Variants in ARHGEF3 observed in about 807,000 individuals in gnomAD.
ARHGEF3 encodes Rho guanine nucleotide exchange factor 3, also known as 59.8 kDA protein.
In ARHGEF3, 28 loss-of-function variants were observed where a neutral mutation model predicts 63.2. That is an observed-to-expected ratio of 0.44 (90% CI 0.33 to 0.61). ARHGEF3 has a LOEUF of 0.61. Among genes scored for constraint, ARHGEF3 ranks in the 20% least tolerant of loss-of-function variants. ARHGEF3 has a pLI of 0.03. For missense variants in ARHGEF3, 533 were observed against 659.3 expected (o/e 0.81, Z 2.10); for synonymous variants, 266 against 254.2 (o/e 1.05, Z -0.44).
chr3:56,855,757 C>T (rs967168767), intron 4 of ARHGEF3, among the ~76,000 whole-genome samples: 1 of 151,842 alleles, frequency 6.6e-6, no homozygotes, highest in African/African-American at 2.4e-5. Flanking sequence ...ATGACTGCTA[C>T]ATACAACTAC....
Position 56,895,249 on chromosome 3 carries a change from C to T in ARHGEF3, c.130-12895G>A, listed in dbSNP as rs542567767. ...CGTTATTGTTCTGACAGATTCTCTA[C>T]GGACTATCGCCAAGAGCATTATTCC... On this transcript the variant is annotated intron_variant, in intron 3 of 12. Coordinates refer to the ARHGEF3 transcript ENST00000338458. Among the ~76,000 whole-genome samples, 4 of 152,274 alleles carry T rather than the reference C, an allele frequency of 2.6e-5. No homozygotes were observed. In the South Asian group the frequency reaches 6.2e-4, roughly 24 times the overall value.
chr3:56,905,954 T>C (rs1200370976), intron 3 of ARHGEF3, among the ~76,000 whole-genome samples: 2 of 152,120 alleles, frequency 1.3e-5, no homozygotes, highest in African/African-American at 4.8e-5. Flanking sequence ...AACCTCAGCC[T>C]CCAGGGTTCA....
intron 1 of ARHGEF3, among the ~76,000 whole-genome samples, chr3:56,800,744 G>A (rs2037606577): frequency 6.6e-6 from 1 of 152,222 alleles, no homozygotes; most frequent in Non-Finnish European, 1.5e-5. Flanking sequence ...TGTTCGCAGA[G>A]TGAGGTGTGG....
chr3:56,916,486 G>A (rs1359653282), intron 3 of ARHGEF3: 2 of 1,385,990 alleles, frequency 1.4e-6, no homozygotes, highest in Non-Finnish European at 1.9e-6. Context: ...GGAAGTGACA[G>A]GGGCCATCAG....
Position 57,001,915 on chromosome 3 carries a change from G to GTTTTTTT in ARHGEF3, c.62+33166_62+33172dup, listed in dbSNP as rs1410825594. On this transcript the variant is annotated intron_variant, in intron 2 of 12. Transcript: ENST00000338458. ...AAATCCTAAAACCCAAAGTGAGATA[G>GTTTTTTT]TTTTTTTTTTTTTTGTTTTTTGTTT... 6.1e-4 allele frequency among the ~76,000 whole-genome samples: 33 copies of GTTTTTTT among 53,714 alleles called. 8 individuals are homozygous for GTTTTTTT. The highest frequency in any genetic ancestry group is 7.2e-4 in the Admixed American group (3 of 4,194). The allele number at this position is 53,714 out of a possible 152,430, so 35.2% of individuals were successfully genotyped here.
intron 1 of ARHGEF3, among the ~76,000 whole-genome samples, chr3:57,043,583 G>C (rs1704320817): frequency 6.6e-6 from 1 of 152,106 alleles, no homozygotes; most frequent in African/African-American, 2.4e-5. Context: ...CATCAAGTCA[G>C]CCTGAGCATA....
rs147264275 is a variant in ARHGEF3 at position 56,747,497 on chromosome 3, C to T, written c.613-2035G>A. On this transcript the variant is annotated intron_variant, in intron 6 of 9. Coordinates refer to ENST00000296315, the MANE Select transcript of ARHGEF3 (RefSeq NM_019555.3). ...GGTGAATAATGTACAAGATCTGGTT[C>T]TCAAATACAGACACTCCCTTATTCA... Among the ~76,000 whole-genome samples, 344 of 152,236 alleles carry T rather than the reference C, an allele frequency of 2.3e-3. 10 individuals are homozygous for T. The highest frequency in any genetic ancestry group is 0.022 in the Admixed American group (329 of 15,280).
At chr3:56,985,520 G>T (rs888066437) in intron 2 of ARHGEF3, among the ~76,000 whole-genome samples, 1 of 152,214 alleles carries the variant, frequency 6.6e-6, no homozygotes, top group East Asian at 1.9e-4. Context: ...ATATTCATTC[G>T]CCGCCTCCAC....
chr3:57,012,083 G>A (rs1393825415), intron 2 of ARHGEF3, among the ~76,000 whole-genome samples: 7 of 152,114 alleles, frequency 4.6e-5, no homozygotes, highest in African/African-American at 1.4e-4. Context: ...CAAGAAGACT[G>A]AGGTTGAGTA....
rs572379945 is a variant in ARHGEF3, at chr3:56,732,177, C to T, written c.1228+61G>A. On this transcript the variant is annotated intron_variant, in intron 9 of 9. Transcript: ENST00000296315. ...CTTTTCTCTTTCCACCAGCTGCCCACTCCCTCCAAACTACCACGGCCAAAA... is the reference window on the plus strand; with the variant it reads ...CTTTTCTCTTTCCACCAGCTGCCCATTCCCTCCAAACTACCACGGCCAAAA... 10 of 1,592,492 alleles carry T rather than the reference C, an allele frequency of 6.3e-6. No individual in the cohort carries two copies. In the South Asian group the frequency reaches 1.1e-4, roughly 18 times the overall value.
At chr3:56,750,040 C>T (rs1485891607) in intron 6 of ARHGEF3, among the ~76,000 whole-genome samples, 1 of 152,226 alleles carries the variant, frequency 6.6e-6, no homozygotes, top group African/African-American at 2.4e-5. Flanking sequence ...ACTCTCCAAA[C>T]AGTGAAATAA....
At chr3:56,867,979 T>C (rs1438092629) in intron 4 of ARHGEF3, among the ~76,000 whole-genome samples, 2 of 152,150 alleles carry the variant, frequency 1.3e-5, no homozygotes, top group African/African-American at 4.8e-5. Context: ...TCTGCTTGGA[T>C]ATGAATCAAA....
At chr3:57,030,437 A>G (rs886555658) in intron 2 of ARHGEF3, among the ~76,000 whole-genome samples, 1 of 152,186 alleles carries the variant, frequency 6.6e-6, no homozygotes, top group Non-Finnish European at 1.5e-5. Context: ...TTGTTTGAGC[A>G]TTTTCCCAAA....
At chr3:57,054,635 T>A (rs981739764) in intron 1 of ARHGEF3, among the ~76,000 whole-genome samples, 13 of 143,138 alleles carry the variant, frequency 9.1e-5, no homozygotes, top group African/African-American at 3.1e-4. Flanking sequence ...TGAGACCCCA[T>A]CTCAAAAATT....
At chr3:56,855,883 T>TA (rs2039859709) in intron 4 of ARHGEF3, among the ~76,000 whole-genome samples, 1 of 152,228 alleles carries the variant, frequency 6.6e-6, no homozygotes, top group African/African-American at 2.4e-5. Flanking sequence ...TCCAAATACT[T>TA]ACGCTTAACC....
rs138504813 is a variant in ARHGEF3, at chr3:56,969,752, C to CAAAA, written c.63-10867_63-10864dup. ...TCGGTGACAGAGTGAGACTCCGTAT[C>CAAAA]AAAAAAAAAAAAGAAAGAAAAAGAA... On this transcript the variant is annotated intron_variant, in intron 2 of 12. Coordinates refer to the ARHGEF3 transcript ENST00000338458. Among the ~76,000 whole-genome samples, 443 of 134,178 alleles carry CAAAA rather than the reference C, an allele frequency of 3.3e-3. 2 individuals carry two copies. Among genetic ancestry groups the CAAAA allele is most frequent in the East Asian group, 4.6e-3 (22 of 4,828 alleles). 88.0% of individuals were successfully genotyped at this position (134,178 alleles called of 152,430 possible). A position where few individuals can be genotyped will look rare whatever the true frequency, so the allele number is the denominator to read the frequency against.
At chr3:57,009,434 T>C (rs976811066) in intron 2 of ARHGEF3, among the ~76,000 whole-genome samples, 1 of 152,062 alleles carries the variant, frequency 6.6e-6, no homozygotes, top group Non-Finnish European at 1.5e-5. Flanking sequence ...CCACCCCTTA[T>C]CCCAGTCCCT....
chr3:56,946,521 G>C lies in ARHGEF3; in HGVS notation c.129+12302C>G, dbSNP rs900545633. 5.3e-5 allele frequency among the ~76,000 whole-genome samples: 8 copies of C among 152,302 alleles called. No individual in the cohort carries two copies. The South Asian group carries it at 8.3e-4, about 16-fold the overall frequency. ...CCGATTCGATCAACTGGAAGAAAGGGTATCAGTGATGGAACATCAAATGAA... is the reference window on the plus strand; with the variant it reads ...CCGATTCGATCAACTGGAAGAAAGGCTATCAGTGATGGAACATCAAATGAA... On this transcript the variant is annotated intron_variant, in intron 3 of 12. Transcript: ENST00000338458.
intron 4 of ARHGEF3, among the ~76,000 whole-genome samples, chr3:56,875,521 A>T (rs1324548322): frequency 6.6e-6 from 1 of 152,238 alleles, no homozygotes; most frequent in Admixed American, 6.5e-5. Flanking sequence ...ACAGATCACA[A>T]CTATACCATA....
Sources: gnomAD v4.1 joint callset for allele counts (sites outside exome capture counted in the v4.1 genomes callset) on GRCh38, gnomAD v4.1.1 for gene constraint, MANE v1.5 for transcripts, NCBI Gene and HGNC (gene_info 2026-07-23, HGNC 2026-07-21) for gene names.